LDHAL6A: variants seen among roughly 807,000 people sequenced by gnomAD.
LDHAL6A encodes L-lactate dehydrogenase A-like 6A.
In LDHAL6A, 19 loss-of-function variants were observed where a neutral mutation model predicts 28.2. The ratio of observed to expected loss-of-function variants is 0.67; its 90% CI spans 0.47 to 0.99. LDHAL6A has a LOEUF of 0.99. LDHAL6A is among the 50% of genes least tolerant of loss of function. The pLI is 0.00. For synonymous variants in LDHAL6A, 144 were observed against 134.4 expected (o/e 1.07, Z -0.49); for missense variants, 372 against 398.6 (o/e 0.93, Z 0.57).
chr11:18,472,955 G>T (rs1485303393), intron 3 of LDHAL6A, among the ~76,000 whole-genome samples: 5 of 152,020 alleles, frequency 3.3e-5, no homozygotes, highest in Non-Finnish European at 7.4e-5. Flanking sequence ...GGAAATTTAT[G>T]TGAATGGCTC....
intron 3 of LDHAL6A, among the ~76,000 whole-genome samples, chr11:18,472,065 GA>G (rs1849269187): frequency 1.3e-5 from 2 of 152,086 alleles, no homozygotes; most frequent in Non-Finnish European, 2.9e-5. Flanking sequence ...CATTTACCTA[GA>G]AAATGCGGTT....
chr11:18,478,804 A>AG lies in LDHAL6A; in HGVS notation c.934dup (p.Glu312GlyfsTer32). 6.2e-7 allele frequency: 1 copy of AG among 1,614,016 alleles called. No homozygotes were observed. The highest frequency in any genetic ancestry group is 8.5e-7 in the Non-Finnish European group (1 of 1,179,948). ...TCATAAAAGTAAAACTGACTCTTGA[A>AG]GAGGAGGCCTGCTTGCAAAAGAGTG... On this transcript the variant is annotated frameshift_variant, in exon 7 of 7. Coordinates refer to ENST00000280706, the MANE Select transcript of LDHAL6A (RefSeq NM_144972.5). LOFTEE classifies it high-confidence loss of function.
At chr11:18,478,325 T>C (rs1018564539) in intron 6 of LDHAL6A, among the ~76,000 whole-genome samples, 6 of 152,126 alleles carry the variant, frequency 3.9e-5, no homozygotes, top group Non-Finnish European at 8.8e-5. Flanking sequence ...CCAGCAAACA[T>C]GGCAGGAGGC....
At chr11:18,471,595 C>T (rs755841344) in intron 3 of LDHAL6A, among the ~76,000 whole-genome samples, 1 of 151,802 alleles carries the variant, frequency 6.6e-6, no homozygotes, top group African/African-American at 2.4e-5. Flanking sequence ...ATGTGGAGCA[C>T]AAGACATGAC....
chr11:18,468,024 CGTAT>C (rs1849156432), intron 3 of LDHAL6A, among the ~76,000 whole-genome samples: 1 of 58,238 alleles, frequency 1.7e-5, no homozygotes, highest in African/African-American at 8.5e-5. Flanking sequence ...CATATATATA[CGTAT>C]ATATATATAC....
At chr11:18,462,657 A>AAC (rs1423227764) in intron 1 of LDHAL6A, among the ~76,000 whole-genome samples, 11 of 144,612 alleles carry the variant, frequency 7.6e-5, no homozygotes, top group East Asian at 2.1e-4. Flanking sequence ...CAAACAAACA[A>AAC]AAAAAAAAAC....
At chr11:18,466,857 G>A (rs1849087754) in intron 3 of LDHAL6A, among the ~76,000 whole-genome samples, 1 of 152,116 alleles carries the variant, frequency 6.6e-6, no homozygotes, top group South Asian at 2.1e-4. Context: ...ACTGAAAATA[G>A]ACTTCGGAGA....
rs775852448 is a variant in LDHAL6A at position 18,456,728 on chromosome 11, G to T, written c.48G>T (p.Glu16Asp). The change falls in exon 1 of 7, where the codon GAG (glutamate) becomes GAT (aspartate). Residue 16 changes from glutamate (E) to aspartate (D), a missense_variant. Coordinates refer to ENST00000280706, the MANE Select transcript of LDHAL6A (RefSeq NM_144972.5). ...SELIKNFAEE[E>D]AIHHNKISIV... The stretch of plus-strand genomic sequence containing the variant: ...TTATTAAGAATTTCGCGGAAGAGGA[G>T]GCCATTCATCACAATAAGATCTCCA... The T allele has an allele frequency of 1.2e-6, 2 of 1,613,918 alleles. No homozygotes were observed. The highest frequency in any genetic ancestry group is 1.7e-6 in the Non-Finnish European group (2 of 1,179,832).
intron 3 of LDHAL6A, among the ~76,000 whole-genome samples, chr11:18,469,928 T>A (rs1271995069): frequency 6.6e-6 from 1 of 152,116 alleles, no homozygotes; most frequent in African/African-American, 2.4e-5. Flanking sequence ...CCCCGAATGA[T>A]AATTTTATTT....
At chr11:18,460,594 C>CAAAAAAAA (rs34780803) in intron 1 of LDHAL6A, among the ~76,000 whole-genome samples, 7 of 90,320 alleles carry the variant, frequency 7.8e-5, no homozygotes, top group African/African-American at 2.7e-4. Flanking sequence ...AACTCCGTCT[C>CAAAAAAAA]AAAAAAAAAA....
At chr11:18,469,200 C>T (rs540261586) in intron 3 of LDHAL6A, 2 of 639,092 alleles carry the variant, frequency 3.1e-6, no homozygotes, top group Non-Finnish European at 5.6e-6. Flanking sequence ...ATTTCTCTAA[C>T]CGTTCAGGGC....
At chr11:18,462,020 A>G (rs527624315) in intron 1 of LDHAL6A, among the ~76,000 whole-genome samples, 2 of 151,406 alleles carry the variant, frequency 1.3e-5, no homozygotes, top group African/African-American at 4.8e-5. Flanking sequence ...ATGTGGTGGC[A>G]GGCTCCTGTG....
intron 1 of LDHAL6A, 32 bp from the exon 2 acceptor site, chr11:18,463,929 C>T: frequency 2.9e-6 from 4 of 1,370,570 alleles, no homozygotes; most frequent in Non-Finnish European, 4.2e-6. Flanking sequence ...AAGAGATACA[C>T]TCACACCCAT....
chr11:18,474,990 G>T (rs955939674), intron 3 of LDHAL6A, among the ~76,000 whole-genome samples: 11 of 152,030 alleles, frequency 7.2e-5, no homozygotes, highest in Non-Finnish European at 1.5e-4. Flanking sequence ...CCTGTAGTCC[G>T]AACACTTTGG....
rs1849415287 is a variant in LDHAL6A at position 18,477,468 on chromosome 11, GA to G, written c.711-149del. On this transcript the variant is annotated intron_variant, in intron 5 of 6. Transcript: ENST00000280706. Reference sequence around the variant, plus strand: ...AGCAAGACTTAAAAAAAAAAAAGAAGAAAGAAAAAATGCATACATACTACAA... The same window carrying G: ...AGCAAGACTTAAAAAAAAAAAAGAAGAAGAAAAAATGCATACATACTACAA... 1.1e-3 allele frequency: 716 copies of G among 630,690 alleles called. 17 individuals carry two copies. The highest frequency in any genetic ancestry group is 5.4e-3 in the Middle Eastern group (11 of 2,052). The allele number at this position is 630,690 out of a possible 1,614,324, so 39.1% of individuals were successfully genotyped here.
At chr11:18,468,058 TATAC>T (rs1156418785) in intron 3 of LDHAL6A, among the ~76,000 whole-genome samples, 1 of 11,412 alleles carries the variant, frequency 8.8e-5, no homozygotes, top group Non-Finnish European at 2.9e-4. Flanking sequence ...CGTATATATA[TATAC>T]ATATATATAT....
Position 18,479,015 on chromosome 11 carries a change from T to C in LDHAL6A, c.*145T>C. 1 of 657,230 alleles carries C rather than the reference T, an allele frequency of 1.5e-6. No individual in the cohort carries two copies. Among genetic ancestry groups the C allele is most frequent in the Non-Finnish European group, 2.5e-6 (1 of 406,360 alleles). The allele number at this position is 657,230 out of a possible 1,614,324, so 40.7% of individuals were successfully genotyped here. On this transcript the variant is annotated 3_prime_UTR_variant, in exon 7 of 7. Coordinates refer to ENST00000280706, the MANE Select transcript of LDHAL6A (RefSeq NM_144972.5). ...TATTTAGTATAGCCTTCCAGCTTTT[T>C]TTTTTTTCTTTTTTGGGAGGGTCTC... is the stretch of plus-strand genomic sequence containing the variant.
chr11:18,476,357 G>A, intron 4 of LDHAL6A, 27 bp from the exon 5 acceptor site: 6 of 1,604,606 alleles, frequency 3.7e-6, no homozygotes, highest in African/African-American at 1.3e-5. Context: ...CATGTAAGAA[G>A]TGGGATTTTG....
intron 1 of LDHAL6A, among the ~76,000 whole-genome samples, chr11:18,459,546 G>A (rs1211036284): frequency 6.6e-6 from 1 of 152,134 alleles, no homozygotes; most frequent in African/African-American, 2.4e-5. Flanking sequence ...GTACTCCTTA[G>A]TAAACTCCCT....
Sources: allele counts gnomAD v4.1 joint callset (sites outside exome capture counted in the v4.1 genomes callset), GRCh38; gene constraint gnomAD v4.1.1; transcripts MANE v1.5; gene names NCBI Gene and HGNC (gene_info 2026-07-23, HGNC 2026-07-21).